ZNF407: variants seen among roughly 807,000 people sequenced by gnomAD.
ZNF407 encodes zinc finger protein 407.
A neutral mutation model predicts 131.2 loss-of-function variants in ZNF407; 17 were observed. The observed-to-expected ratio is 0.13, with a 90% CI of 0.09 to 0.19. ZNF407 has a LOEUF of 0.19. Ranked by LOEUF, ZNF407 falls within the 10% of genes least tolerant of loss-of-function variation. ZNF407 has a pLI of 1.00. For synonymous variants in ZNF407, 1,156 were observed against 1,062.0 expected (o/e 1.09, Z -1.72); for missense variants, 2,681 against 2,830.6 (o/e 0.95, Z 1.20).
intron 8 of ZNF407, among the ~76,000 whole-genome samples, chr18:75,030,030 T>C (rs558819055): frequency 2.0e-5 from 3 of 152,328 alleles, no homozygotes; most frequent in South Asian, 2.1e-4. Flanking sequence ...AAGAGCTTTT[T>C]CTAAGTATAT....
chr18:74,730,482 C>T (rs149734541), intron 3 of ZNF407, among the ~76,000 whole-genome samples: 112 of 152,294 alleles, frequency 7.4e-4, no homozygotes, highest in Admixed American at 4.6e-3. Flanking sequence ...TGTCATTACC[C>T]GAAGTAGCTA....
intron 8 of ZNF407, among the ~76,000 whole-genome samples, chr18:74,934,730 C>T (rs564640413): frequency 4.0e-4 from 61 of 152,276 alleles, no homozygotes; most frequent in Admixed American, 1.0e-3. Context: ...CACTTGAACC[C>T]GGGAGGTGGA....
intron 1 of ZNF407, among the ~76,000 whole-genome samples, chr18:74,630,642 G>T (rs796261291): frequency 2.0e-5 from 3 of 149,354 alleles, no homozygotes; most frequent in South Asian, 2.1e-4. Flanking sequence ...TTCTCTTTTT[G>T]TTTTTTTTTT....
intron 7 of ZNF407, among the ~76,000 whole-genome samples, chr18:74,902,790 CA>C (rs1244245661): frequency 6.6e-6 from 1 of 152,186 alleles, no homozygotes; most frequent in Admixed American, 6.5e-5. Context: ...AGCTAGAAAA[CA>C]TTTTTTTGAA....
chr18:74,839,391 A>T (rs368555573), intron 4 of ZNF407, among the ~76,000 whole-genome samples: 9 of 152,244 alleles, frequency 5.9e-5, no homozygotes, highest in African/African-American at 1.9e-4. Flanking sequence ...CTGAAATCTG[A>T]TGAGCAGGTT....
intron 4 of ZNF407, among the ~76,000 whole-genome samples, chr18:74,832,681 C>G (rs1970502237): frequency 6.6e-6 from 1 of 152,090 alleles, no homozygotes; most frequent in South Asian, 2.1e-4. Context: ...AGTTTTGAAT[C>G]TTACAGTTGT....
intron 8 of ZNF407, among the ~76,000 whole-genome samples, chr18:75,028,908 C>T (rs1451161544): frequency 6.6e-6 from 1 of 152,226 alleles, no homozygotes. Flanking sequence ...GCACCCATCT[C>T]TTACATTAGA....
intron 8 of ZNF407, among the ~76,000 whole-genome samples, chr18:74,938,900 G>T (rs1972067885): frequency 6.6e-6 from 1 of 152,186 alleles, no homozygotes; most frequent in South Asian, 2.1e-4. Context: ...AATAGGGATA[G>T]GTAGCAGTCA....
chr18:74,701,787 C>T (rs1011553753), intron 3 of ZNF407, among the ~76,000 whole-genome samples: 4 of 152,044 alleles, frequency 2.6e-5, no homozygotes, highest in Non-Finnish European at 5.9e-5. Context: ...AATTTAGGCT[C>T]GCCCTGTCAC....
chr18:74,959,687 A>G (rs1403147492), intron 8 of ZNF407, among the ~76,000 whole-genome samples: 3 of 152,196 alleles, frequency 2.0e-5, no homozygotes, highest in Non-Finnish European at 4.4e-5. Context: ...TTCTACTTTA[A>G]TTAGCTTGAT....
intron 8 of ZNF407, among the ~76,000 whole-genome samples, chr18:74,963,615 T>C (rs1972374785): frequency 6.6e-6 from 1 of 152,228 alleles, no homozygotes. Flanking sequence ...TATGCAGCAA[T>C]CTTAGAATTT....
intron 3 of ZNF407, among the ~76,000 whole-genome samples, chr18:74,645,360 T>C (rs1984922767): frequency 6.6e-6 from 1 of 152,074 alleles, no homozygotes; most frequent in Non-Finnish European, 1.5e-5. Flanking sequence ...TATGCCATTA[T>C]TGAGAAGCGC....
At chr18:75,060,948 G>A (rs1323003302) in intron 8 of ZNF407, among the ~76,000 whole-genome samples, 1 of 152,212 alleles carries the variant, frequency 6.6e-6, no homozygotes, top group Non-Finnish European at 1.5e-5. Flanking sequence ...GCCTGAGTAA[G>A]AGCTGGGCCA....
At chr18:74,825,214 G>A (rs1218715478) in intron 4 of ZNF407, among the ~76,000 whole-genome samples, 2 of 151,902 alleles carry the variant, frequency 1.3e-5, no homozygotes, top group African/African-American at 4.8e-5. Context: ...ACACATTTAT[G>A]ACAAACCAAC....
intron 8 of ZNF407, among the ~76,000 whole-genome samples, chr18:75,030,173 C>T (rs1439550608): frequency 6.6e-6 from 1 of 152,152 alleles, no homozygotes; most frequent in African/African-American, 2.4e-5. Context: ...GTTTATTCAT[C>T]TGCCTGAATT....
chr18:74,848,622 T>C (rs2145142014), intron 4 of ZNF407, among the ~76,000 whole-genome samples: 1 of 152,264 alleles, frequency 6.6e-6, no homozygotes. Context: ...TATAAATACC[T>C]CAGTAGGCAA....
chr18:74,691,748 G>A (rs186537312), intron 3 of ZNF407, among the ~76,000 whole-genome samples: 43 of 152,076 alleles, frequency 2.8e-4, no homozygotes, highest in Admixed American at 2.7e-3. Context: ...TGCTGTTTTG[G>A]GTGTTGTGAT....
At chr18:74,771,569 A>G (rs914627282) in intron 3 of ZNF407, among the ~76,000 whole-genome samples, 1 of 139,776 alleles carries the variant, frequency 7.2e-6, no homozygotes, top group African/African-American at 2.6e-5. Flanking sequence ...ATTATCTAAC[A>G]TATTTTACAT....
chr18:74,998,383 C>A (rs1041368051), intron 8 of ZNF407, among the ~76,000 whole-genome samples: 1 of 152,178 alleles, frequency 6.6e-6, no homozygotes, highest in African/African-American at 2.4e-5. Flanking sequence ...TGGGAAGGTC[C>A]CCTGTCCTAT....
Sources: gnomAD v4.1 joint callset for allele counts (sites outside exome capture counted in the v4.1 genomes callset) on GRCh38, gnomAD v4.1.1 for gene constraint, MANE v1.5 for transcripts, NCBI Gene and HGNC (gene_info 2026-07-23, HGNC 2026-07-21) for gene names.